ADGRL3: variants seen among roughly 807,000 people sequenced by gnomAD.
ADGRL3 encodes the protein calcium-independent alpha-latrotoxin receptor 3.
A neutral mutation model predicts 153.5 loss-of-function variants in ADGRL3; 62 were observed. That is an observed-to-expected ratio of 0.40 (90% CI 0.33 to 0.50). The LOEUF is 0.50. Ranked by LOEUF, ADGRL3 falls within the 20% of genes least tolerant of loss-of-function variation. ADGRL3 has a pLI of 0.47. For missense variants in ADGRL3, 1,641 were observed against 1,859.4 expected (o/e 0.88, Z 2.16); for synonymous variants, 710 against 672.5 (o/e 1.06, Z -0.86).
chr4:61,504,034 C>A (rs1217708246), intron 3 of ADGRL3, among the ~76,000 whole-genome samples: 1 of 152,116 alleles, frequency 6.6e-6, no homozygotes, highest in African/African-American at 2.4e-5. Flanking sequence ...ACTCTGTCAC[C>A]CAGGCTGTAG....
intron 2 of ADGRL3, among the ~76,000 whole-genome samples, chr4:61,455,106 C>G (rs1194089283): frequency 1.3e-5 from 2 of 152,062 alleles, no homozygotes; most frequent in African/African-American, 2.4e-5. Flanking sequence ...GGACCTAAAT[C>G]TAATCAGTCA....
At chr4:61,317,242 A>C (rs1259110739) in intron 1 of ADGRL3, among the ~76,000 whole-genome samples, 1 of 152,228 alleles carries the variant, frequency 6.6e-6, no homozygotes, top group African/African-American at 2.4e-5. Context: ...TCTTAGAACT[A>C]AATCTGGGAG....
rs1003378241 is a variant in ADGRL3 at position 61,356,455 on chromosome 4, GA to G, written c.-239-26660del. 1.3e-3 allele frequency among the ~76,000 whole-genome samples: 192 copies of G among 150,730 alleles called. 1 individual carries two copies. The highest frequency in any genetic ancestry group is 4.0e-3 in the African/African-American group (165 of 41,208). On this transcript the variant is annotated intron_variant, in intron 1 of 26. Coordinates refer to ENST00000683033, the MANE Select transcript of ADGRL3 (RefSeq NM_001387552.1). ...AAACAAAATTATTTCTCCTCAAAGA[GA>G]AAAAAAAATTAGTTATCTAATGATC... is the stretch of plus-strand genomic sequence containing the variant.
intron 4 of ADGRL3, among the ~76,000 whole-genome samples, chr4:61,552,627 C>A (rs970228846): frequency 6.6e-6 from 1 of 151,974 alleles, no homozygotes; most frequent in African/African-American, 2.4e-5. Context: ...CCATGCTTGG[C>A]TAATTTTTTA....
At chr4:61,215,785 C>G in intron 1 of ADGRL3, among the ~76,000 whole-genome samples, 1 of 151,718 alleles carries the variant, frequency 6.6e-6, no homozygotes, top group East Asian at 1.9e-4. Flanking sequence ...ATCTCCTGAC[C>G]TCGTGATCCA....
intron 25 of ADGRL3, among the ~76,000 whole-genome samples, chr4:62,060,787 A>AT (rs1256413913): frequency 6.6e-6 from 1 of 151,876 alleles, no homozygotes; most frequent in African/African-American, 2.4e-5. Context: ...CATATATTTG[A>AT]TTCATTAATG....
chr4:61,631,198 G>A (rs577585833), intron 5 of ADGRL3, among the ~76,000 whole-genome samples: 26 of 151,964 alleles, frequency 1.7e-4, no homozygotes, highest in African/African-American at 5.6e-4. Flanking sequence ...TGACATCTCC[G>A]TAATCCTGAC....
intron 8 of ADGRL3, among the ~76,000 whole-genome samples, chr4:61,803,598 G>A (rs2097524282): frequency 6.6e-6 from 1 of 151,902 alleles, no homozygotes; most frequent in Non-Finnish European, 1.5e-5. Flanking sequence ...AACCAAAATG[G>A]AAATATAATA....
At chr4:61,646,862 G>A (rs1056742183) in intron 5 of ADGRL3, among the ~76,000 whole-genome samples, 4 of 152,162 alleles carry the variant, frequency 2.6e-5, no homozygotes, top group African/African-American at 4.8e-5. Context: ...AATGGCGGGC[G>A]CCCCTCCCCC....
At chr4:61,332,923 T>C (rs1467159346) in intron 1 of ADGRL3, among the ~76,000 whole-genome samples, 1 of 152,198 alleles carries the variant, frequency 6.6e-6, no homozygotes, top group Admixed American at 6.5e-5. Context: ...AAAGAATCCG[T>C]ATTCTATTAA....
rs115433082 is a variant in ADGRL3, at chr4:61,260,172, T to C, written c.-240+58407T>C. Among the ~76,000 whole-genome samples the C allele has an allele frequency of 6.1e-3, 931 of 152,328 alleles. 3 individuals are homozygous for C. Among genetic ancestry groups the C allele is most frequent in the Middle Eastern group, 0.01 (3 of 294 alleles). The stretch of plus-strand genomic sequence containing the variant: ...ATTGAATAATAAACCTGTAAATATA[T>C]GAAACATTTGAAGGGTATTTGAAAC... On this transcript the variant is annotated intron_variant, in intron 1 of 26. Transcript: ENST00000683033.
intron 1 of ADGRL3, among the ~76,000 whole-genome samples, chr4:61,244,813 T>C (rs1281392408): frequency 6.6e-6 from 1 of 152,064 alleles, no homozygotes; most frequent in Non-Finnish European, 1.5e-5. Context: ...CACTTAGCAC[T>C]GTGATACAAC....
chr4:61,740,027 T>C (rs182820710), intron 8 of ADGRL3, among the ~76,000 whole-genome samples: 2 of 152,344 alleles, frequency 1.3e-5, no homozygotes, highest in African/African-American at 2.4e-5. Flanking sequence ...ATACATTTTG[T>C]CTAAAGAACC....
At chr4:61,829,491 G>T (rs940487385) in intron 9 of ADGRL3, among the ~76,000 whole-genome samples, 6 of 152,116 alleles carry the variant, frequency 3.9e-5, no homozygotes, top group Admixed American at 6.5e-5. Context: ...GTTAATGCCC[G>T]TATCTGTTTA....
At chr4:61,945,657 G>A (rs1272075603) in intron 15 of ADGRL3, among the ~76,000 whole-genome samples, 4 of 143,806 alleles carry the variant, frequency 2.8e-5, no homozygotes, top group East Asian at 2.1e-4. Context: ...TTCTTAAGCC[G>A]GTCTGAAAAG....
At chr4:61,676,971 A>G (rs1294625022) in intron 6 of ADGRL3, 36 bp downstream of exon 6, 1 of 1,322,200 alleles carries the variant, frequency 7.6e-7, no homozygotes, top group South Asian at 1.2e-5. Flanking sequence ...GGCAAGAGAA[A>G]AGATACTAAA....
intron 9 of ADGRL3, among the ~76,000 whole-genome samples, chr4:61,860,311 C>T (rs928767409): frequency 2.0e-5 from 3 of 152,108 alleles, no homozygotes; most frequent in Admixed American, 6.6e-5. Context: ...CATCCCCTCA[C>T]GTCTTTTTTG....
At chr4:61,813,720 A>T in intron 8 of ADGRL3, 89 bp from the exon 9 acceptor site, 1 of 1,445,554 alleles carries the variant, frequency 6.9e-7, no homozygotes, top group Non-Finnish European at 9.5e-7. Context: ...TTCAGTTTGG[A>T]GTGAAATAGT....
intron 6 of ADGRL3, among the ~76,000 whole-genome samples, chr4:61,677,746 A>G (rs992523732): frequency 1.3e-5 from 2 of 152,024 alleles, no homozygotes; most frequent in African/African-American, 4.8e-5. Flanking sequence ...CTAGGTTTCA[A>G]CTTCCTTTGA....
Sources: allele counts gnomAD v4.1 joint callset (sites outside exome capture counted in the v4.1 genomes callset), GRCh38; gene constraint gnomAD v4.1.1; transcripts MANE v1.5; gene names NCBI Gene and HGNC (gene_info 2026-07-23, HGNC 2026-07-21).